The following MPHOSPH9 variants were observed in gnomAD, a reference collection of about 807,000 sequenced individuals.
MPHOSPH9 encodes the protein M-phase phosphoprotein 9.
In MPHOSPH9, 88 loss-of-function variants were observed where a neutral mutation model predicts 145.5. That is an observed-to-expected ratio of 0.60 (90% CI 0.51 to 0.72). The LOEUF is 0.72. Among genes scored for constraint, MPHOSPH9 ranks in the 30% least tolerant of loss-of-function variants. The pLI, the probability that MPHOSPH9 is intolerant of heterozygous loss-of-function variation, is 0.00. For missense variants in MPHOSPH9, 1,238 were observed against 1,386.6 expected, an observed-to-expected ratio of 0.89 and a Z score of 1.70; for synonymous variants, 435 against 486.2, an observed-to-expected ratio of 0.89 and a Z score of 1.39.
chr12:123,160,976 A>G (rs751878749), intron 22 of MPHOSPH9, 127 bp from the exon 23 acceptor site: 3 of 1,319,476 alleles, frequency 2.3e-6, no homozygotes, highest in Non-Finnish European at 3.1e-6. Context: ...CCCTCTGTCA[A>G]TTAGTAACGA....
At chr12:123,209,736 T>TG (rs926492182) in intron 8 of MPHOSPH9, among the ~76,000 whole-genome samples, 18 of 101,598 alleles carry the variant, frequency 1.8e-4, no homozygotes, top group African/African-American at 3.2e-4. Context: ...TTTGTTTTGT[T>TG]GTTTTTTTTT....
intron 12 of MPHOSPH9, among the ~76,000 whole-genome samples, chr12:123,196,613 T>C (rs1289285240): frequency 1.3e-5 from 2 of 152,124 alleles, no homozygotes; most frequent in Non-Finnish European, 2.9e-5. Flanking sequence ...AATTTGGTAA[T>C]GCGTGGGGAA....
intron 18 of MPHOSPH9, among the ~76,000 whole-genome samples, chr12:123,164,981 C>G (rs549536128): frequency 2.4e-5 from 3 of 126,814 alleles, no homozygotes; most frequent in Non-Finnish European, 4.7e-5. Flanking sequence ...GCACTCCAGC[C>G]TGGGCAAAAG....
At chr12:123,166,385 C>T (rs550577433) in intron 17 of MPHOSPH9, 8 of 412,302 alleles carry the variant, frequency 1.9e-5, no homozygotes, top group East Asian at 5.8e-5. Context: ...GGATTACAGG[C>T]GTGAGCCACC....
chr12:123,197,082 T>C (rs1337285284), intron 12 of MPHOSPH9, among the ~76,000 whole-genome samples: 3 of 148,444 alleles, frequency 2.0e-5, no homozygotes, highest in Non-Finnish European at 4.4e-5. Flanking sequence ...CTAAAATTGA[T>C]TGTGGTGGTG....
intron 8 of MPHOSPH9, among the ~76,000 whole-genome samples, chr12:123,208,510 C>T (rs1206138345): frequency 7.3e-6 from 1 of 137,628 alleles, no homozygotes; most frequent in Non-Finnish European, 1.5e-5. Flanking sequence ...GCACTCCAAC[C>T]TGGCGACAGA....
chr12:123,206,112 A>C (rs1238030428), intron 8 of MPHOSPH9, among the ~76,000 whole-genome samples: 1 of 152,120 alleles, frequency 6.6e-6, no homozygotes, highest in Non-Finnish European at 1.5e-5. Context: ...GGTGGGCTAG[A>C]GGAAGATAAC....
In MPHOSPH9 at chr12:123,230,539, G is replaced by C. The variant is rs2047599139; in HGVS notation, c.-158-17C>G. The C allele has an allele frequency of 2.3e-6, 1 of 444,162 alleles. No individual in the cohort carries two copies. Among genetic ancestry groups the C allele is most frequent in the Non-Finnish European group, 4.0e-6 (1 of 250,490 alleles). The allele number at this position is 444,162 out of a possible 1,614,324, so 27.5% of individuals were successfully genotyped here. ...CAAGAGAGTCTGAAAATGAATGGGG[G>C]AAAAAAATACTACTATAAAAAGCCA... On this transcript the variant is annotated splice_polypyrimidine_tract_variant and intron_variant, in intron 1 of 23. Coordinates refer to ENST00000606320, the MANE Select transcript of MPHOSPH9 (RefSeq NM_022782.4).
Position 123,164,046 on chromosome 12 carries a change from G to C in MPHOSPH9, c.2812C>G (p.Pro938Ala), listed in dbSNP as rs753978707. The C allele has an allele frequency of 2.6e-5, 42 of 1,613,982 alleles. No individual in the cohort carries two copies. The highest frequency in any genetic ancestry group is 3.5e-5 in the Non-Finnish European group (41 of 1,180,022). Reference sequence around the variant, plus strand: ...TGTCTCTGTTGGGCACACTTTTCTGGAGAACGACTTGCATTAACTGAAGTT... The same window carrying C: ...TGTCTCTGTTGGGCACACTTTTCTGCAGAACGACTTGCATTAACTGAAGTT... Reference protein sequence around the residue: ...TETSVNASRSPEKCAQQRQKR... With the variant: ...TETSVNASRSAEKCAQQRQKR... The change falls in exon 19 of 24, where the codon CCA becomes GCA. Residue 938 changes from proline to alanine, a missense_variant. By Grantham distance (27) the Pro-to-Ala change is conservative. This residue lies in a region of MPHOSPH9 where 393 missense variants were observed against 462.5 expected (regional missense o/e 0.85). Coordinates refer to ENST00000606320, the MANE Select transcript of MPHOSPH9 (RefSeq NM_022782.4).
rs780119991 is a variant in MPHOSPH9, at chr12:123,214,773, G to T, written c.1058C>A (p.Pro353Gln). 2.5e-5 allele frequency: 40 copies of T among 1,613,306 alleles called. No homozygotes were observed. The highest frequency in any genetic ancestry group is 3.2e-5 in the Non-Finnish European group (38 of 1,179,346). ...AFYLSKPDET[P>Q]NAWMSDSGTG... ...TCCTGAATCAGACATCCAAGCATTTGGAGTTTCATCTGGTTTACTGAGGTA... is the reference window on the plus strand; with the variant it reads ...TCCTGAATCAGACATCCAAGCATTTTGAGTTTCATCTGGTTTACTGAGGTA... The change falls in exon 7 of 24, where the codon CCA becomes CAA. Residue 353 changes from proline (P) to glutamine (Q), a missense_variant. Pro to Gln is a moderately conservative substitution (Grantham distance 76). Around this residue, in one of 3 missense-constraint regions of MPHOSPH9, gnomAD observed 837 missense variants for 897.5 expected, o/e 0.93. Coordinates refer to ENST00000606320, the MANE Select transcript of MPHOSPH9 (RefSeq NM_022782.4).
chr12:123,169,958 G>A (rs561658397), intron 16 of MPHOSPH9, among the ~76,000 whole-genome samples: 3 of 150,760 alleles, frequency 2.0e-5, no homozygotes, highest in South Asian at 2.1e-4. Flanking sequence ...AAGGCATAAT[G>A]TATTAATACA....
Position 123,224,110 on chromosome 12 carries a change from T to TTTTATA in MPHOSPH9, c.259-984_259-983insTATAAA, listed in dbSNP as rs1555231852. 1.0e-4 allele frequency among the ~76,000 whole-genome samples: 12 copies of TTTTATA among 120,414 alleles called. No homozygotes were observed. The East Asian group carries it at 1.5e-3, about 15-fold the overall frequency. 79.0% of individuals were successfully genotyped at this position (120,414 alleles called of 152,430 possible). Reference sequence around the variant, plus strand: ...TCACCATGTTCGGCTAATTGCTAATTTATATATATATATATACACATTTTT... The same window carrying TTTTATA: ...TCACCATGTTCGGCTAATTGCTAATTTTTATATATATATATATATATACACATTTTT... On this transcript the variant is annotated intron_variant, in intron 3 of 23. Coordinates refer to ENST00000606320, the MANE Select transcript of MPHOSPH9 (RefSeq NM_022782.4).
chr12:123,235,131 G>C (rs1652998618), upstream of MPHOSPH9, among the ~76,000 whole-genome samples: 1 of 152,200 alleles, frequency 6.6e-6, no homozygotes, highest in African/African-American at 2.4e-5. Flanking sequence ...GTAGTTGAGA[G>C]ATCTGACATG....
Position 123,218,494 on chromosome 12 carries a change from G to A in MPHOSPH9, c.878C>T (p.Ala293Val), listed in dbSNP as rs1157583694. ...EVYSGKTNSN[A>V]ITSWAQKLKQ... is the part of the protein sequence containing the mutation. ...CAGTTTTTGTGCCCATGATGTTATAGCATTACTATTTAAGAAGAGAAAACC... is the reference window on the plus strand; with the variant it reads ...CAGTTTTTGTGCCCATGATGTTATAACATTACTATTTAAGAAGAGAAAACC... Residue 293 changes from alanine (A) to valine (V), a missense_variant, in exon 6 of 24, where the codon GCT becomes GTT. Physicochemically the swap from Ala to Val is moderately conservative, Grantham distance 64 (BLOSUM62 0). Around this residue, in one of 3 missense-constraint regions of MPHOSPH9, gnomAD observed 837 missense variants for 897.5 expected, o/e 0.93. Transcript: ENST00000606320. The A allele has an allele frequency of 1.2e-6, 2 of 1,611,508 alleles. No homozygotes were observed. Among genetic ancestry groups the A allele is most frequent in the Non-Finnish European group, 1.7e-6 (2 of 1,179,072 alleles).
chr12:123,163,485 CA>C, intron 19 of MPHOSPH9: 1 of 205,194 alleles, frequency 4.9e-6, no homozygotes, highest in Admixed American at 5.6e-5. Flanking sequence ...AACGGAAATT[CA>C]GGACAGGAAT....
At chr12:123,208,533 CAAA>C (rs373218740) in intron 8 of MPHOSPH9, among the ~76,000 whole-genome samples, 4 of 111,176 alleles carry the variant, frequency 3.6e-5, no homozygotes, top group Non-Finnish European at 1.7e-5. Context: ...GAAACTGTCT[CAAA>C]AAAAAAAAAA....
chr12:123,174,969 C>G (rs1032095499), intron 16 of MPHOSPH9, among the ~76,000 whole-genome samples: 14 of 152,140 alleles, frequency 9.2e-5, no homozygotes, highest in African/African-American at 3.1e-4. Flanking sequence ...TTGTCTATTT[C>G]TGTGACCACC....
At chr12:123,175,350 T>C (rs2044798736) in intron 16 of MPHOSPH9, among the ~76,000 whole-genome samples, 1 of 152,114 alleles carries the variant, frequency 6.6e-6, no homozygotes, top group South Asian at 2.1e-4. Flanking sequence ...AGACAGGGTT[T>C]CATCGTGTTA....
At chr12:123,200,653 T>C (rs2046182077) in intron 11 of MPHOSPH9, among the ~76,000 whole-genome samples, 1 of 146,166 alleles carries the variant, frequency 6.8e-6, no homozygotes, top group African/African-American at 2.6e-5. Flanking sequence ...ATCTTTGCAT[T>C]TTTTTTTTTT....
Sources: gnomAD v4.1 joint callset for allele counts (sites outside exome capture counted in the v4.1 genomes callset) on GRCh38, gnomAD v4.1.1 for gene constraint, gnomAD v4.1.1 regional missense constraint, MANE v1.5 for transcripts, NCBI Gene and HGNC (gene_info 2026-07-23, HGNC 2026-07-21) for gene names.